Variants in STAG2 observed in about 807,000 individuals in gnomAD.
STAG2 encodes the protein STAG2 cohesin complex component, also known as cohesin subunit SA-2.
STAG2 carries 14 observed loss-of-function variants against 108.1 expected under a neutral mutation model. The ratio of observed to expected loss-of-function variants is 0.13; its 90% confidence interval spans 0.09 to 0.20. STAG2 has a LOEUF of 0.20. STAG2 is among the 10% of genes least tolerant of loss of function. The pLI, the probability that STAG2 is intolerant of heterozygous loss-of-function variation, is 1.00. For synonymous variants in STAG2, 307 were observed against 302.7 expected, an observed-to-expected ratio of 1.01 and a Z score of -0.15; for missense variants, 440 against 940.9, an observed-to-expected ratio of 0.47 and a Z score of 6.96.
chrX:124,014,979 C>CTTTTTTTTTTTT (rs34997317), intron 1 of STAG2, among the ~76,000 whole-genome samples: 3 of 44,519 alleles, frequency 6.7e-5, no homozygotes, highest in Admixed American at 4.0e-4. Context: ...ACGTACTTTT[C>CTTTTTTTTTTTT]TTTTTTTTTT....
chrX:124,096,453 G>C (rs781598500), intron 34 of STAG2, among the ~76,000 whole-genome samples: 1 of 110,917 alleles, frequency 9.0e-6, no homozygotes, highest in South Asian at 3.8e-4. Flanking sequence ...ATTACCTGTG[G>C]AATTTTTGCT....
chrX:124,066,026 A>G lies in STAG2; in HGVS notation c.2096+80A>G, dbSNP rs755577710. 4.1e-5 allele frequency: 41 copies of G among 994,618 alleles called. 1 individual carries two copies. The South Asian group carries it at 9.5e-4, about 23-fold the overall frequency. The allele number at this position is 994,618 out of a possible 1,213,427, so 82.0% of individuals were successfully genotyped here. A position where few individuals can be genotyped will look rare whatever the true frequency, so the allele number is the denominator to read the frequency against. ...TGTTTTGTGGGTTATGTTAATTTCT[A>G]AGCTAATTTGTTGTTGTCGTTGTGG... On this transcript the variant is annotated intron_variant, in intron 21 of 34. Transcript: ENST00000371145.
intron 1 of STAG2, among the ~76,000 whole-genome samples, chrX:123,989,607 C>A (rs756975721): frequency 2.1e-5 from 2 of 96,772 alleles, no homozygotes; most frequent in African/African-American, 3.7e-5. Context: ...TTTTTTCTTT[C>A]TTTTTTTTTT....
At chrX:124,064,775 A>G (rs908403455) in intron 20 of STAG2, among the ~76,000 whole-genome samples, 3 of 110,241 alleles carry the variant, frequency 2.7e-5, no homozygotes, top group Non-Finnish European at 3.8e-5. Context: ...TTAATAAGTT[A>G]TTATTATTAT....
chrX:124,081,435 C>T lies in STAG2; in HGVS notation c.2831C>T (p.Thr944Ile). 2 of 1,183,347 alleles carry T rather than the reference C, an allele frequency of 1.7e-6. No individual in the cohort carries two copies. Among genetic ancestry groups the T allele is most frequent in the South Asian group, 3.7e-5 (2 of 53,608 alleles). The stretch of plus-strand genomic sequence containing the variant: ...TATAATTTTGATAGATCATCCTCTA[C>T]ATTTAGTGGCATAAAAGAACTTGCT... Reference protein sequence around the residue: ...NGYNFDRSSSTFSGIKELARR... With the variant: ...NGYNFDRSSSIFSGIKELARR... The change falls in exon 28 of 35, where the codon ACA becomes ATA. Residue 944 changes from threonine (T) to isoleucine (I), a missense_variant. Thr to Ile is a moderately conservative substitution (Grantham distance 89, BLOSUM62 -1). Coordinates refer to ENST00000371145, the MANE Select transcript of STAG2 (RefSeq NM_001042750.2).
chrX:124,083,831 G>A (rs1239136318), intron 29 of STAG2, among the ~76,000 whole-genome samples: 1 of 111,701 alleles, frequency 9.0e-6, no homozygotes, highest in South Asian at 3.7e-4. Flanking sequence ...TCACTATGTT[G>A]CCCAGACTGG....
At chrX:123,996,890 T>C (rs1208760576) in intron 1 of STAG2, among the ~76,000 whole-genome samples, 1 of 112,643 alleles carries the variant, frequency 8.9e-6, no homozygotes, top group African/African-American at 3.2e-5. Flanking sequence ...CATTTGAGTC[T>C]AGCATCCATT....
intron 1 of STAG2, among the ~76,000 whole-genome samples, chrX:124,020,447 A>G (rs193172981): frequency 1.8e-5 from 2 of 112,219 alleles, no homozygotes; most frequent in Admixed American, 9.5e-5. Flanking sequence ...TTCCTTTAAA[A>G]GAAACAAAAT....
At chrX:124,076,609 A>G (rs896354377) in intron 26 of STAG2, 138 bp downstream of exon 26, 33 of 597,286 alleles carry the variant, frequency 5.5e-5, no homozygotes, top group Admixed American at 1.0e-4. Context: ...AGTGTTTTCA[A>G]TACATTTCCT....
At position 124,086,783 on chromosome X, in the gene STAG2, T is replaced by C; in HGVS notation, c.3277+13T>C. 1 of 1,097,899 alleles carries C rather than the reference T, an allele frequency of 9.1e-7. No homozygotes were observed. 90.5% of individuals were successfully genotyped at this position (1,097,899 alleles called of 1,213,427 possible). A position where few individuals can be genotyped will look rare whatever the true frequency, so the allele number is the denominator to read the frequency against. On this transcript the variant is annotated intron_variant, in intron 30 of 34. Transcript: ENST00000371145. Reference sequence around the variant, plus strand: ...CAGCTTTCACTCAGTAAGGATATAATTTATTCTCTTTATATTTATCCCTAA... The same window carrying C: ...CAGCTTTCACTCAGTAAGGATATAACTTATTCTCTTTATATTTATCCCTAA...
intron 4 of STAG2, among the ~76,000 whole-genome samples, chrX:124,027,904 T>A (rs1316545181): frequency 5.4e-5 from 6 of 111,249 alleles, no homozygotes; most frequent in Non-Finnish European, 1.1e-4. Context: ...TGTATAATGC[T>A]TCCTTTGTTA....
intron 6 of STAG2, among the ~76,000 whole-genome samples, chrX:124,042,044 G>A (rs2057736917): frequency 9.0e-6 from 1 of 110,795 alleles, no homozygotes; most frequent in African/African-American, 3.3e-5. Context: ...GATTACAGGC[G>A]TCTAGGTGGG....
Position 124,051,116 on chromosome X carries a change from T to TTTTG in STAG2, c.1018-3_1018-2insTGTT. ...TGTCTCATCTTTTTTTTTTTTTTTT[T>TTTTG]TTAGCAAGGTGAAGTAAGACTCAAA... On this transcript the variant is annotated splice_polypyrimidine_tract_variant and splice_region_variant and intron_variant, in intron 11 of 34. Transcript: ENST00000371145. 1 of 949,371 alleles carries TTTTG rather than the reference T, an allele frequency of 1.1e-6. No individual in the cohort carries two copies. The allele number at this position is 949,371 out of a possible 1,213,427, so 78.2% of individuals were successfully genotyped here. A position where few individuals can be genotyped will look rare whatever the true frequency, so the allele number is the denominator to read the frequency against.
chrX:124,076,206 A>G, intron 25 of STAG2, 126 bp from the exon 26 acceptor site: 3 of 666,791 alleles, frequency 4.5e-6, no homozygotes, highest in Non-Finnish European at 6.7e-6. Context: ...AATGGTTATA[A>G]TTTTAATTTT....
intron 1 of STAG2, among the ~76,000 whole-genome samples, chrX:123,981,743 C>A (rs1010504739): frequency 2.7e-5 from 3 of 111,246 alleles, no homozygotes; most frequent in Non-Finnish European, 5.7e-5. Context: ...CTGTGCTAAG[C>A]ACTGGGGATG....
intron 32 of STAG2, among the ~76,000 whole-genome samples, chrX:124,091,469 A>C (rs1181639051): frequency 8.9e-6 from 1 of 112,215 alleles, no homozygotes; most frequent in African/African-American, 3.2e-5. Context: ...GTGGCTCCCC[A>C]TTGCCTGCTG....
chrX:124,022,370 C>A (rs1410100410), intron 2 of STAG2, among the ~76,000 whole-genome samples, 161 bp from the exon 3 acceptor site: 22 of 78,504 alleles, frequency 2.8e-4, no homozygotes, highest in African/African-American at 9.4e-4. Context: ...GACTGTGTCT[C>A]AAAAAAAAAA....
At chrX:123,976,545 A>C (rs5958365) in intron 1 of STAG2, among the ~76,000 whole-genome samples, 25,398 of 109,770 alleles carry the variant, frequency 0.23, 2,238 homozygotes, top group South Asian at 0.38. Flanking sequence ...AGAAATGTAA[A>C]CCTGCATTAT....
At chrX:124,012,802 C>T (rs1306176048) in intron 1 of STAG2, among the ~76,000 whole-genome samples, 2 of 111,676 alleles carry the variant, frequency 1.8e-5, no homozygotes, top group Non-Finnish European at 3.8e-5. Context: ...TGTTTTTAAT[C>T]TACTGAATTG....
Sources: allele counts gnomAD v4.1 joint callset (sites outside exome capture counted in the v4.1 genomes callset), GRCh38; gene constraint gnomAD v4.1.1; transcripts MANE v1.5; gene names NCBI Gene and HGNC (gene_info 2026-07-23, HGNC 2026-07-21).